PTPN2: variants seen among roughly 807,000 people sequenced by gnomAD.
PTPN2 encodes the protein tyrosine-protein phosphatase non-receptor type 2.
A neutral mutation model predicts 57.3 loss-of-function variants in PTPN2; 19 were observed. That is an observed-to-expected ratio of 0.33 (90% CI 0.23 to 0.49). The LOEUF is 0.49. Ranked by LOEUF, PTPN2 falls within the 20% of genes least tolerant of loss-of-function variation. The probability of loss-of-function intolerance (pLI) is 0.99; values close to 1 mark genes in which losing one functional copy is unlikely to be tolerated. For missense variants in PTPN2, 358 were observed against 501.1 expected, an observed-to-expected ratio of 0.71 and a Z score of 2.73; for synonymous variants, 153 against 164.9, an observed-to-expected ratio of 0.93 and a Z score of 0.55.
At chr18:12,807,922 G>C (rs2041744538) in intron 7 of PTPN2, among the ~76,000 whole-genome samples, 2 of 152,084 alleles carry the variant, frequency 1.3e-5, no homozygotes, top group Non-Finnish European at 2.9e-5. Flanking sequence ...GGTGGCTCAT[G>C]CCTGCAATTC....
intron 2 of PTPN2, among the ~76,000 whole-genome samples, chr18:12,843,213 C>T (rs2043103510): frequency 1.3e-5 from 2 of 152,026 alleles, no homozygotes; most frequent in African/African-American, 4.8e-5. Flanking sequence ...TCCCAGTCGC[C>T]GACAGTCCTA....
In PTPN2 at chr18:12,842,270, T is replaced by C. The variant is rs145682722; in HGVS notation, c.161-5379A>G. ...CTAGGAGAGTTAGAGCCTAAACAAA[T>C]TGAAGGTGGAGGGACTTAGGGGAAA... On this transcript the variant is annotated intron_variant, in intron 2 of 8. Coordinates refer to ENST00000309660, the MANE Select transcript of PTPN2 (RefSeq NM_002828.4). 4.4e-3 allele frequency among the ~76,000 whole-genome samples: 662 copies of C among 152,112 alleles called. 4 individuals are homozygous for C. The highest frequency in any genetic ancestry group is 0.015 in the African/African-American group (627 of 41,488).
chr18:12,834,318 C>T (rs1463132010), intron 3 of PTPN2, among the ~76,000 whole-genome samples: 3 of 103,438 alleles, frequency 2.9e-5, no homozygotes, highest in Non-Finnish European at 6.0e-5. Flanking sequence ...CAGAGTGAGA[C>T]TCCATCTCAA....
rs116663907 is a variant in PTPN2 at position 12,840,817 on chromosome 18, G to A, written c.161-3926C>T. On this transcript the variant is annotated intron_variant, in intron 2 of 8. Coordinates refer to ENST00000309660, the MANE Select transcript of PTPN2 (RefSeq NM_002828.4). ...ATTCTTGCTGACATCACCTTTTCAC[G>A]TTGCTCTCCACTCAGGTGTGACTTC... is the stretch of plus-strand genomic sequence containing the variant. 2.1e-4 allele frequency: 334 copies of A among 1,597,794 alleles called. 1 individual carries two copies. Among genetic ancestry groups the A allele is most frequent in the African/African-American group, 3.7e-4 (28 of 74,920 alleles).
intron 1 of PTPN2, 128 bp downstream of exon 1, chr18:12,883,945 G>C (rs1328589557): frequency 1.4e-6 from 1 of 696,918 alleles, no homozygotes; most frequent in East Asian, 3.5e-5. Context: ...CGCGGACCGC[G>C]CCGCCACTTC....
intron 8 of PTPN2, among the ~76,000 whole-genome samples, chr18:12,799,738 AATTTTTGT>A (rs1253427590): frequency 6.6e-6 from 1 of 151,850 alleles, no homozygotes; most frequent in Non-Finnish European, 1.5e-5. Flanking sequence ...ATGCCTCTTT[AATTTTTGT>A]ATTTTAAAAT....
intron 7 of PTPN2, among the ~76,000 whole-genome samples, chr18:12,804,091 G>T (rs561561355): frequency 6.6e-6 from 1 of 152,192 alleles, no homozygotes; most frequent in Non-Finnish European, 1.5e-5. Context: ...CCTGAGGTGA[G>T]GAGTTTGAGA....
chr18:12,877,120 T>C (rs2044516621), intron 1 of PTPN2, among the ~76,000 whole-genome samples: 1 of 152,150 alleles, frequency 6.6e-6, no homozygotes, highest in Non-Finnish European at 1.5e-5. Flanking sequence ...GGGTTTGGAA[T>C]AAACTAAGGT....
At chr18:12,832,053 TG>T (rs1159085618) in intron 3 of PTPN2, among the ~76,000 whole-genome samples, 1 of 151,916 alleles carries the variant, frequency 6.6e-6, no homozygotes, top group East Asian at 1.9e-4. Flanking sequence ...GAGTCAGGAG[TG>T]GGGGCTAGGG....
chr18:12,818,096 C>A (rs554438136), intron 5 of PTPN2, among the ~76,000 whole-genome samples: 1 of 152,046 alleles, frequency 6.6e-6, no homozygotes, highest in Non-Finnish European at 1.5e-5. Context: ...GAGCAGAGAT[C>A]GTGCCATTGC....
rs75791027 is a variant in PTPN2, at chr18:12,813,203, C to T, written c.858+1000G>A. Reference sequence around the variant, plus strand: ...AACTCCAGATTTAAGTTGGTGAAAGCTCACTGTGATTAGAAAGGGAAATTT... The same window carrying T: ...AACTCCAGATTTAAGTTGGTGAAAGTTCACTGTGATTAGAAAGGGAAATTT... On this transcript the variant is annotated intron_variant, in intron 7 of 8. Transcript: ENST00000309660. Among the ~76,000 whole-genome samples the T allele has an allele frequency of 3.3e-4, 51 of 152,268 alleles. No homozygotes were observed. In the East Asian group the frequency reaches 9.7e-3, roughly 29 times the overall value.
chr18:12,846,621 C>T (rs1175445787), intron 2 of PTPN2, among the ~76,000 whole-genome samples: 1 of 152,184 alleles, frequency 6.6e-6, no homozygotes, highest in East Asian at 1.9e-4. Context: ...CTTACACTTT[C>T]CCTGTCGCAG....
chr18:12,806,784 A>C (rs1408023186), intron 7 of PTPN2, among the ~76,000 whole-genome samples: 1 of 152,188 alleles, frequency 6.6e-6, no homozygotes, highest in African/African-American at 2.4e-5. Context: ...ACCATATTAA[A>C]AAATCAACTC....
chr18:12,865,234 A>G (rs935877337), intron 1 of PTPN2, among the ~76,000 whole-genome samples: 40 of 151,692 alleles, frequency 2.6e-4, no homozygotes, highest in African/African-American at 9.4e-4. Context: ...ATCACTTGAG[A>G]CCAGTCTGGG....
chr18:12,870,897 T>C (rs1196464831), intron 1 of PTPN2, among the ~76,000 whole-genome samples: 1 of 152,060 alleles, frequency 6.6e-6, no homozygotes, highest in Non-Finnish European at 1.5e-5. Context: ...TTGGCAAAAA[T>C]TAAACCGTAC....
chr18:12,838,595 C>T (rs1276444805), intron 2 of PTPN2, among the ~76,000 whole-genome samples: 1 of 152,198 alleles, frequency 6.6e-6, no homozygotes, highest in African/African-American at 2.4e-5. Flanking sequence ...GGCACTGGGT[C>T]TGCAGGGCTC....
chr18:12,869,621 T>C (rs1001899126), intron 1 of PTPN2, among the ~76,000 whole-genome samples: 4 of 152,240 alleles, frequency 2.6e-5, no homozygotes, highest in Non-Finnish European at 5.9e-5. Flanking sequence ...ATTACATCGT[T>C]AGACCAAATT....
intron 2 of PTPN2, chr18:12,840,922 A>G (rs2043023244): frequency 2.0e-6 from 3 of 1,525,992 alleles, no homozygotes; most frequent in Middle Eastern, 3.4e-4. Context: ...GCTCTGATGG[A>G]ATGCCTCCAT....
At chr18:12,874,540 G>C (rs1460938360) in intron 1 of PTPN2, among the ~76,000 whole-genome samples, 1 of 118,516 alleles carries the variant, frequency 8.4e-6, no homozygotes, top group Non-Finnish European at 1.7e-5. Context: ...AGGTGGGGGG[G>C]GGTCAGCTCC....
Sources: gnomAD v4.1 joint callset for allele counts (sites outside exome capture counted in the v4.1 genomes callset) on GRCh38, gnomAD v4.1.1 for gene constraint, MANE v1.5 for transcripts, NCBI Gene and HGNC (gene_info 2026-07-23, HGNC 2026-07-21) for gene names.